PHF24: variants seen among roughly 807,000 people sequenced by gnomAD.
The protein encoded by PHF24 is PHD finger protein 24.
A neutral mutation model predicts 42.6 loss-of-function variants in PHF24; 25 were observed. The ratio of observed to expected loss-of-function variants is 0.59; its 90% CI spans 0.43 to 0.82. The LOEUF (loss-of-function observed/expected upper bound fraction) is 0.82. Among genes scored for constraint, PHF24 ranks in the 40% least tolerant of loss-of-function variants. The pLI is 0.00. For synonymous variants in PHF24, 185 were observed against 204.8 expected, an observed-to-expected ratio of 0.90 and a Z score of 0.83; for missense variants, 470 against 538.1, an observed-to-expected ratio of 0.87 and a Z score of 1.25.
chr9:34,891,460 G>T, the PHF24 span, among the ~76,000 whole-genome samples: 1 of 152,308 alleles, frequency 6.6e-6, no homozygotes, highest in African/African-American at 2.4e-5. Context: ...TGCCACAGTG[G>T]ATCAGAGAAG....
At chr9:34,978,361 A>G in exon 8 of PHF24, 1 of 522,428 alleles carries the variant, frequency 1.9e-6, no homozygotes, top group Admixed American at 3.2e-5. Flanking sequence ...GCCCCACATC[A>G]TAGACGGGAC....
At chr9:34,882,649 C>A in the PHF24 span, among the ~76,000 whole-genome samples, 1 of 152,130 alleles carries the variant, frequency 6.6e-6, no homozygotes, top group Admixed American at 6.5e-5. Context: ...AGGAATCTAA[C>A]TTATAAGAGA....
At chr9:34,867,040 G>A in the PHF24 span, among the ~76,000 whole-genome samples, 5 of 152,182 alleles carry the variant, frequency 3.3e-5, no homozygotes, top group South Asian at 2.1e-4. Flanking sequence ...CTGAAAGCTC[G>A]AAAATCTCAA....
chr9:34,832,243 G>A, the PHF24 span: 2 of 464,644 alleles, frequency 4.3e-6, no homozygotes, highest in South Asian at 4.8e-5. Context: ...TCATGGCTCT[G>A]TGTGTTCTCC....
At chr9:34,734,688 C>T in the PHF24 span, among the ~76,000 whole-genome samples, 1 of 152,202 alleles carries the variant, frequency 6.6e-6, no homozygotes, top group African/African-American at 2.4e-5. Context: ...GGCCCCAGAC[C>T]ATCAGAAGTA....
chr9:34,721,678 C>G, the PHF24 span, among the ~76,000 whole-genome samples: 1 of 152,108 alleles, frequency 6.6e-6, no homozygotes, highest in African/African-American at 2.4e-5. Context: ...CCCAAAGTGC[C>G]AGGATTACAG....
the PHF24 span, among the ~76,000 whole-genome samples, chr9:34,947,997 TAC>T: frequency 6.6e-6 from 1 of 151,428 alleles, no homozygotes. Context: ...TAGTCCCAGC[TAC>T]TCGGGAGGCT....
the PHF24 span, among the ~76,000 whole-genome samples, chr9:34,875,137 C>T: frequency 6.6e-6 from 1 of 152,108 alleles, no homozygotes; most frequent in East Asian, 1.9e-4. Flanking sequence ...CTCTGGTAAC[C>T]ATCCTACTCT....
At chr9:34,747,128 C>T in the PHF24 span, among the ~76,000 whole-genome samples, 1 of 152,130 alleles carries the variant, frequency 6.6e-6, no homozygotes, top group Non-Finnish European at 1.5e-5. Flanking sequence ...TAAAGTTCTG[C>T]AGGACATAGT....
chr9:34,859,157 C>T, the PHF24 span, among the ~76,000 whole-genome samples: 2 of 152,078 alleles, frequency 1.3e-5, no homozygotes, highest in African/African-American at 4.8e-5. Context: ...TGCTTGGGGC[C>T]TTTTACAGTT....
At chr9:34,794,880 A>AAG in the PHF24 span, among the ~76,000 whole-genome samples, 4 of 151,838 alleles carry the variant, frequency 2.6e-5, no homozygotes, top group South Asian at 2.1e-4. Flanking sequence ...ACATGAGGAG[A>AAG]AGAGAGAGAG....
chr9:34,847,859 CAT>C, the PHF24 span, among the ~76,000 whole-genome samples: 3 of 152,132 alleles, frequency 2.0e-5, no homozygotes, highest in Non-Finnish European at 2.9e-5. Context: ...TTGAGATAAT[CAT>C]GTGGTTTTGT....
At chr9:34,914,493 A>G in the PHF24 span, among the ~76,000 whole-genome samples, 4 of 152,000 alleles carry the variant, frequency 2.6e-5, no homozygotes, top group South Asian at 8.3e-4. Context: ...TTTGGTCTCT[A>G]TATCTATCGT....
upstream of PHF24, among the ~76,000 whole-genome samples, chr9:34,952,745 T>C (rs999882921): frequency 3.3e-5 from 5 of 152,190 alleles, no homozygotes; most frequent in Non-Finnish European, 7.3e-5. Flanking sequence ...AACAACTTTA[T>C]TGAAGTAGAA....
the PHF24 span, among the ~76,000 whole-genome samples, chr9:34,737,652 A>G: frequency 6.6e-6 from 1 of 152,150 alleles, no homozygotes; most frequent in Non-Finnish European, 1.5e-5. Context: ...TTACATTTTC[A>G]CCAACAATGT....
the PHF24 span, chr9:34,917,253 C>T: frequency 7.9e-5 from 93 of 1,173,752 alleles, no homozygotes; most frequent in African/African-American, 7.3e-4. Flanking sequence ...TGAGAAAGTC[C>T]GGGTCATGTA....
the PHF24 span, chr9:34,895,643 A>T: frequency 5.0e-6 from 2 of 401,380 alleles, no homozygotes; most frequent in Non-Finnish European, 8.8e-6. Flanking sequence ...TTGCCAAATA[A>T]TTAATGCAAT....
At chr9:34,731,635 C>CT in the PHF24 span, among the ~76,000 whole-genome samples, 7 of 152,164 alleles carry the variant, frequency 4.6e-5, no homozygotes, top group East Asian at 1.4e-3. Context: ...GGACCTCATT[C>CT]TTTTTTTATG....
chr9:34,785,471 G>T, the PHF24 span, among the ~76,000 whole-genome samples: 1 of 152,156 alleles, frequency 6.6e-6, no homozygotes, highest in Non-Finnish European at 1.5e-5. Context: ...GACTACCAAA[G>T]TATTAATTTT....
Sources: gnomAD v4.1 joint callset for allele counts (sites outside exome capture counted in the v4.1 genomes callset) on GRCh38, gnomAD v4.1.1 for gene constraint, MANE v1.5 for transcripts, NCBI Gene and HGNC (gene_info 2026-07-23, HGNC 2026-07-21) for gene names.